The following MACO1 variants were observed in gnomAD, a reference collection of about 807,000 sequenced individuals.
MACO1 encodes the protein macoilin.
MACO1 carries 14 observed loss-of-function variants against 78.7 expected under a neutral mutation model. The observed-to-expected ratio is 0.18, with a 90% CI of 0.12 to 0.28. The LOEUF (loss-of-function observed/expected upper bound fraction) is 0.28. Ranked by LOEUF, MACO1 falls within the 10% of genes least tolerant of loss-of-function variation. The probability of loss-of-function intolerance (pLI) is 1.00; values close to 1 mark genes in which losing one functional copy is unlikely to be tolerated. For missense variants in MACO1, 501 were observed against 799.0 expected (o/e 0.63, Z 4.50); for synonymous variants, 288 against 291.6 (o/e 0.99, Z 0.12).
chr1:25,477,824 A>G (rs746934118), intron 6 of MACO1, among the ~76,000 whole-genome samples: 16 of 152,250 alleles, frequency 1.1e-4, no homozygotes, highest in Non-Finnish European at 1.8e-4. Flanking sequence ...CAGTGAAGGC[A>G]TAGTGGTGTG....
chr1:25,496,069 A>G (rs1264332332), intron 10 of MACO1, among the ~76,000 whole-genome samples: 1 of 152,172 alleles, frequency 6.6e-6, no homozygotes, highest in African/African-American at 2.4e-5. Flanking sequence ...TGTCTTCTAT[A>G]GGACCCATGA....
At chr1:25,475,480 G>C (rs1321461770) in intron 6 of MACO1, among the ~76,000 whole-genome samples, 1 of 151,822 alleles carries the variant, frequency 6.6e-6, no homozygotes, top group South Asian at 2.1e-4. Flanking sequence ...GAGAGGCCGA[G>C]GTGGGAGGAT....
chr1:25,444,955 A>G (rs988414513), intron 1 of MACO1, among the ~76,000 whole-genome samples: 4 of 151,950 alleles, frequency 2.6e-5, no homozygotes, highest in African/African-American at 9.7e-5. Flanking sequence ...CGAGGGCTCT[A>G]TCTTCATCTG....
At chr1:25,448,960 G>T in intron 3 of MACO1, 26 bp downstream of exon 3, 1 of 1,402,934 alleles carries the variant, frequency 7.1e-7, no homozygotes, top group Non-Finnish European at 9.4e-7. Flanking sequence ...TTCTTAGATG[G>T]ATAGAAATCT....
intron 6 of MACO1, among the ~76,000 whole-genome samples, chr1:25,469,144 A>G (rs918529905): frequency 2.0e-5 from 3 of 152,152 alleles, no homozygotes; most frequent in Non-Finnish European, 4.4e-5. Context: ...CACCTGGCTG[A>G]GAAGTGTTTA....
chr1:25,451,736 T>A (rs2043067808), intron 3 of MACO1, among the ~76,000 whole-genome samples: 1 of 151,860 alleles, frequency 6.6e-6, no homozygotes, highest in Non-Finnish European at 1.5e-5. Context: ...GCGAAACTTG[T>A]CTCTACTAAA....
Position 25,441,613 on chromosome 1 carries a change from C to T in MACO1, c.81-5149C>T, listed in dbSNP as rs545112764. Among the ~76,000 whole-genome samples, 304 of 152,316 alleles carry T rather than the reference C, an allele frequency of 2.0e-3. 2 individuals carry two copies. Among genetic ancestry groups the T allele is most frequent in the African/African-American group, 7.0e-3 (291 of 41,558 alleles). The stretch of plus-strand genomic sequence containing the variant: ...TTTTCTTGTGGACTTTACATCCGAA[C>T]AGTTAATTACACAAAATATTATTTA... On this transcript the variant is annotated intron_variant, in intron 1 of 10. Transcript: ENST00000374343.
intron 1 of MACO1, among the ~76,000 whole-genome samples, chr1:25,433,636 G>A (rs1225100809): frequency 6.6e-6 from 1 of 152,130 alleles, no homozygotes; most frequent in Admixed American, 6.6e-5. Flanking sequence ...ATAGGAAGGA[G>A]GCAGCTGTGG....
intron 10 of MACO1, among the ~76,000 whole-genome samples, chr1:25,492,368 G>T (rs531287984): frequency 6.6e-6 from 1 of 152,298 alleles, no homozygotes; most frequent in South Asian, 2.1e-4. Flanking sequence ...TGTGGCAGGG[G>T]TCTCCCTTTT....
intron 9 of MACO1, among the ~76,000 whole-genome samples, chr1:25,490,857 GT>G (rs2043479956): frequency 6.6e-6 from 1 of 152,040 alleles, no homozygotes; most frequent in African/African-American, 2.4e-5. Context: ...AAATTTTTTA[GT>G]GTTGGTATTA....
intron 6 of MACO1, among the ~76,000 whole-genome samples, chr1:25,480,302 A>G (rs2043359966): frequency 6.6e-6 from 1 of 152,204 alleles, no homozygotes; most frequent in Non-Finnish European, 1.5e-5. Context: ...TGTTTCTTAA[A>G]CTGGGAATGC....
intron 2 of MACO1, among the ~76,000 whole-genome samples, chr1:25,448,437 C>G (rs2043034937): frequency 6.6e-6 from 1 of 151,854 alleles, no homozygotes; most frequent in South Asian, 2.1e-4. Context: ...GCACTCCAGC[C>G]TGGGTGACAG....
chr1:25,472,837 G>A (rs1191762245), intron 6 of MACO1, among the ~76,000 whole-genome samples: 2 of 152,092 alleles, frequency 1.3e-5, no homozygotes, highest in Admixed American at 1.3e-4. Context: ...ACTTCTGTGA[G>A]GCATAAAATA....
Position 25,498,760 on chromosome 1 carries a change from C to G in MACO1, c.*294C>G, listed in dbSNP as rs908427031. 9.8e-6 allele frequency: 3 copies of G among 304,862 alleles called. No individual in the cohort carries two copies. The highest frequency in any genetic ancestry group is 2.2e-5 in the African/African-American group (1 of 46,414). 18.9% of individuals were successfully genotyped at this position (304,862 alleles called of 1,614,324 possible). On this transcript the variant is annotated 3_prime_UTR_variant, in exon 11 of 11. Coordinates refer to ENST00000374343, the MANE Select transcript of MACO1 (RefSeq NM_018202.6). ...CAACTTTGCCTTTTATGTATTCTTA[C>G]ATAGTTTCCTCTTGAAGAAAAAAAA...
chr1:25,433,788 GAT>G (rs1458709835), intron 1 of MACO1, among the ~76,000 whole-genome samples: 1 of 152,232 alleles, frequency 6.6e-6, no homozygotes, highest in Admixed American at 6.5e-5. Flanking sequence ...GACTAAAGGA[GAT>G]ATGTACAGTT....
chr1:25,456,138 G>T (rs1399548805), intron 4 of MACO1, among the ~76,000 whole-genome samples: 1 of 151,658 alleles, frequency 6.6e-6, no homozygotes, highest in Non-Finnish European at 1.5e-5. Flanking sequence ...CAGGCCTGTA[G>T]TCCCAGCTAC....
intron 2 of MACO1, among the ~76,000 whole-genome samples, chr1:25,448,012 A>G (rs2043030877): frequency 6.6e-6 from 1 of 152,156 alleles, no homozygotes; most frequent in South Asian, 2.1e-4. Context: ...TAAAATTATT[A>G]TTAGTTTGGT....
chr1:25,483,597 C>T (rs143557971), intron 6 of MACO1, among the ~76,000 whole-genome samples: 16 of 152,270 alleles, frequency 1.1e-4, no homozygotes, highest in East Asian at 7.7e-4. Context: ...GAGTTGTGAA[C>T]GTCATTCAGC....
chr1:25,447,002 A>G (rs1194268705), intron 2 of MACO1, 99 bp downstream of exon 2: 31 of 1,403,884 alleles, frequency 2.2e-5, no homozygotes, highest in Admixed American at 1.7e-4. Context: ...AGGATTAGCT[A>G]ATAGGGTCTG....
Sources: gnomAD v4.1 joint callset for allele counts (sites outside exome capture counted in the v4.1 genomes callset) on GRCh38, gnomAD v4.1.1 for gene constraint, MANE v1.5 for transcripts, NCBI Gene and HGNC (gene_info 2026-07-23, HGNC 2026-07-21) for gene names.